SWAP70: variants seen among roughly 807,000 people sequenced by gnomAD.
SWAP70 encodes the protein switch-associated protein 70.
SWAP70 carries 34 observed loss-of-function variants against 80.2 expected under a neutral mutation model. The ratio of observed to expected loss-of-function variants is 0.42; its 90% CI spans 0.32 to 0.56. The LOEUF is 0.56. SWAP70 is among the 20% of genes least tolerant of loss of function. SWAP70 has a pLI of 0.09. For synonymous variants in SWAP70, 239 were observed against 238.5 expected (o/e 1.00, Z -0.02); for missense variants, 578 against 690.7 (o/e 0.84, Z 1.83).
At chr11:9,701,691 CTTTTT>C (rs1163108695) in intron 2 of SWAP70, among the ~76,000 whole-genome samples, 8,901 of 68,786 alleles carry the variant, frequency 0.13, 542 homozygotes, top group African/African-American at 0.3. Context: ...TTTGTGGGCT[CTTTTT>C]TTTTTTTTTT....
intron 2 of SWAP70, among the ~76,000 whole-genome samples, chr11:9,702,411 GTTTTTTTT>G (rs56100709): frequency 6.8e-6 from 1 of 147,410 alleles, no homozygotes; most frequent in African/African-American, 2.5e-5. Flanking sequence ...GTTTTGTTTT[GTTTTTTTT>G]TTTGTTTTCT....
intron 1 of SWAP70, among the ~76,000 whole-genome samples, chr11:9,668,520 G>C (rs1284308140): frequency 1.3e-5 from 2 of 152,154 alleles, no homozygotes; most frequent in African/African-American, 4.8e-5. Context: ...TTTGACCCTA[G>C]TTCTGTGTTC....
At chr11:9,688,907 G>T (rs1406532703) in intron 1 of SWAP70, among the ~76,000 whole-genome samples, 1 of 152,126 alleles carries the variant, frequency 6.6e-6, no homozygotes. Flanking sequence ...CATAGCTGTG[G>T]TAGGAAATTG....
At chr11:9,714,576 A>G (rs1251850368) in intron 3 of SWAP70, among the ~76,000 whole-genome samples, 1 of 152,158 alleles carries the variant, frequency 6.6e-6, no homozygotes, top group Non-Finnish European at 1.5e-5. Flanking sequence ...AACAAGGCAA[A>G]GTTGCCCTTC....
intron 1 of SWAP70, 77 bp downstream of exon 1, chr11:9,664,355 C>T: frequency 1.4e-6 from 2 of 1,472,318 alleles, no homozygotes; most frequent in Non-Finnish European, 1.8e-6. Context: ...GAAGCGGGAC[C>T]TGGCGGGCCG....
At chr11:9,742,191 G>A (rs182446230) in intron 9 of SWAP70, among the ~76,000 whole-genome samples, 1 of 152,156 alleles carries the variant, frequency 6.6e-6, no homozygotes, top group Non-Finnish European at 1.5e-5. Context: ...TCTACATACA[G>A]CTCTGATCCA....
At chr11:9,687,511 T>A (rs574214661) in intron 1 of SWAP70, among the ~76,000 whole-genome samples, 1 of 152,214 alleles carries the variant, frequency 6.6e-6, no homozygotes, top group South Asian at 2.1e-4. Context: ...AAAGAAAATA[T>A]AAGCATTTTT....
chr11:9,694,292 A>T lies in SWAP70; in HGVS notation c.240+6A>T. ...ACAGGTTCATTTTGGAAAAGGTATG[A>T]TTCTAACCTTTTTTTGGGTGTAGCA... On this transcript the variant is annotated splice_donor_region_variant and intron_variant, in intron 2 of 11. Coordinates refer to ENST00000318950, the MANE Select transcript of SWAP70 (RefSeq NM_015055.4). 4 of 1,608,206 alleles carry T rather than the reference A, an allele frequency of 2.5e-6. No homozygotes were observed. Among genetic ancestry groups the T allele is most frequent in the Non-Finnish European group, 2.5e-6 (3 of 1,177,584 alleles).
chr11:9,720,900 C>T (rs1018408776), intron 3 of SWAP70, among the ~76,000 whole-genome samples: 10 of 152,216 alleles, frequency 6.6e-5, no homozygotes, highest in Admixed American at 3.9e-4. Flanking sequence ...ACTGCAATCT[C>T]TGCCTCCTGG....
chr11:9,749,943 C>A lies in SWAP70; in HGVS notation c.1731C>A (p.Asn577Lys). 3 of 1,613,772 alleles carry A rather than the reference C, an allele frequency of 1.9e-6. No homozygotes were observed. The highest frequency in any genetic ancestry group is 2.5e-6 in the Non-Finnish European group (3 of 1,179,756). Residue 577 changes from asparagine to lysine, a missense_variant, in exon 12 of 12, where the codon AAC becomes AAA. Coordinates refer to ENST00000318950, the MANE Select transcript of SWAP70 (RefSeq NM_015055.4). ...TEAELEEREK[N>K]WKEKKTTE ...CAGAACTTGAAGAGAGAGAGAAGAACTGGAAAGAGAAAAAGACCACGGAGT... is the reference window on the plus strand; with the variant it reads ...CAGAACTTGAAGAGAGAGAGAAGAAATGGAAAGAGAAAAAGACCACGGAGT...
chr11:9,719,373 CA>C (rs555391244), intron 3 of SWAP70, among the ~76,000 whole-genome samples: 1 of 150,080 alleles, frequency 6.7e-6, no homozygotes, highest in African/African-American at 2.4e-5. Flanking sequence ...GATCCTGTCT[CA>C]AAAAAAAAGA....
chr11:9,725,549 A>G lies in SWAP70; in HGVS notation c.642+664A>G, dbSNP rs1174677783. Among the ~76,000 whole-genome samples, 27 of 19,234 alleles carry G rather than the reference A, an allele frequency of 1.4e-3. 1 individual carries two copies. The highest frequency in any genetic ancestry group is 3.7e-3 in the African/African-American group (26 of 7,030). The allele number at this position is 19,234 out of a possible 152,430, so 12.6% of individuals were successfully genotyped here. On this transcript the variant is annotated intron_variant, in intron 4 of 11. Coordinates refer to ENST00000318950, the MANE Select transcript of SWAP70 (RefSeq NM_015055.4). The stretch of plus-strand genomic sequence containing the variant: ...ATACAAAATATATATATATATATAT[A>G]TATATATATATATATATATATTTTT...
chr11:9,725,546 T>A (rs1235213975), intron 4 of SWAP70, among the ~76,000 whole-genome samples: 3 of 9,316 alleles, frequency 3.2e-4, no homozygotes, highest in African/African-American at 6.6e-4. Context: ...TATATATATA[T>A]ATATATATAT....
chr11:9,742,865 C>T (rs1851458539), intron 9 of SWAP70, among the ~76,000 whole-genome samples: 1 of 147,644 alleles, frequency 6.8e-6, no homozygotes, highest in African/African-American at 2.5e-5. Flanking sequence ...AAAGGCTGCT[C>T]AGTTAACTCT....
intron 2 of SWAP70, among the ~76,000 whole-genome samples, chr11:9,708,871 G>A (rs1316758717): frequency 6.6e-6 from 1 of 152,096 alleles, no homozygotes; most frequent in African/African-American, 2.4e-5. Flanking sequence ...TCCACCTACT[G>A]AGTTCTACAA....
At chr11:9,664,336 C>T in intron 1 of SWAP70, 58 bp downstream of exon 1, 1 of 1,512,454 alleles carries the variant, frequency 6.6e-7, no homozygotes, top group South Asian at 1.2e-5. Context: ...TCTGTACTTC[C>T]CTTGGGTGGA....
chr11:9,724,784 C>T lies in SWAP70; in HGVS notation c.541C>T (p.Leu181Phe). 6.2e-7 allele frequency: 1 copy of T among 1,613,958 alleles called. No homozygotes were observed. The highest frequency in any genetic ancestry group is 8.5e-7 in the Non-Finnish European group (1 of 1,179,916). Residue 181 changes from leucine to phenylalanine, a missense_variant, in exon 4 of 12, where the codon CTT becomes TTT. Physicochemically the swap from Leu to Phe is conservative, Grantham distance 22 (BLOSUM62 0). Transcript: ENST00000318950. ...CCTTTCTGCATGGGAACTTATTGAGCTTATTGGAAATGGACAGTTTAGCAA... is the reference window on the plus strand; with the variant it reads ...CCTTTCTGCATGGGAACTTATTGAGTTTATTGGAAATGGACAGTTTAGCAA... ...NGLSAWELIELIGNGQFSKGM... is the reference protein window; with the variant it reads ...NGLSAWELIEFIGNGQFSKGM...
rs1011054261 is a variant in SWAP70 at position 9,685,117 on chromosome 11, C to CT, written c.100-9014dup. 6.0e-3 allele frequency among the ~76,000 whole-genome samples: 840 copies of CT among 139,036 alleles called. 3 individuals carry two copies. The highest frequency in any genetic ancestry group is 0.013 in the African/African-American group (504 of 38,124). 91.2% of individuals were successfully genotyped at this position (139,036 alleles called of 152,430 possible). ...CTTTGTTGTCCATTAGGGTGACTTT[C>CT]TTTTTTTTTTTTTTTGAGATGGAGT... On this transcript the variant is annotated intron_variant, in intron 1 of 11. Transcript: ENST00000318950.
rs1180023718 is a variant in SWAP70, at chr11:9,724,667, C to T, written c.424C>T (p.Leu142=). 1 of 1,609,096 alleles carries T rather than the reference C, an allele frequency of 6.2e-7. No individual in the cohort carries two copies. Among genetic ancestry groups the T allele is most frequent in the East Asian group, 2.2e-5 (1 of 44,778 alleles). Reference sequence around the variant, plus strand: ...CACATTCTTTATGTAGATTGAATACCTGCTTAAGAAGCTTACAGAAGCTAT... The same window carrying T: ...CACATTCTTTATGTAGATTGAATACTTGCTTAAGAAGCTTACAGAAGCTAT... ...LIIVSEEIEY[L]LKKLTEAMGG... is the part of the protein sequence containing the mutation. The change falls in exon 4 of 12, where the codon CTG becomes TTG. Residue 142 remains leucine, a synonymous_variant. Transcript: ENST00000318950.
Sources: gnomAD v4.1 joint callset for allele counts (sites outside exome capture counted in the v4.1 genomes callset) on GRCh38, gnomAD v4.1.1 for gene constraint, MANE v1.5 for transcripts, NCBI Gene and HGNC (gene_info 2026-07-23, HGNC 2026-07-21) for gene names.